Variants in THSD7A observed in about 807,000 individuals in gnomAD.
The protein encoded by THSD7A is thrombospondin type 1 domain containing 7A, also known as thrombospondin type-1 domain-containing protein 7A.
Under a neutral mutation model 231.3 loss-of-function variants are expected in THSD7A, and 96 were observed. The ratio of observed to expected loss-of-function variants is 0.41; its 90% CI spans 0.35 to 0.49. The LOEUF is 0.49. THSD7A is among the 20% of genes least tolerant of loss of function. The probability of loss-of-function intolerance (pLI) is 0.05; values close to 1 mark genes in which losing one functional copy is unlikely to be tolerated. For synonymous variants in THSD7A, 940 were observed against 743.3 expected (o/e 1.26, Z -4.30); for missense variants, 2,290 against 2,070.2 (o/e 1.11, Z -2.06).
At position 11,500,082 on chromosome 7, in the gene THSD7A, C is replaced by T. The variant is rs546069120; in HGVS notation, c.1823-18100G>A. Reference sequence around the variant, plus strand: ...AGGCAGCTAAAGAGTAAGAGAAGGTCACCTACAAAGGAATCTCAGTCAGGC... The same window carrying T: ...AGGCAGCTAAAGAGTAAGAGAAGGTTACCTACAAAGGAATCTCAGTCAGGC... On this transcript the variant is annotated intron_variant, in intron 6 of 27. Transcript: ENST00000423059. 3.9e-5 allele frequency among the ~76,000 whole-genome samples: 6 copies of T among 152,150 alleles called. No individual in the cohort carries two copies. The South Asian group carries it at 1.2e-3, about 32-fold the overall frequency.
chr7:11,825,974 T>C (rs1335222059), intron 1 of THSD7A, among the ~76,000 whole-genome samples: 2 of 152,236 alleles, frequency 1.3e-5, no homozygotes, highest in Non-Finnish European at 2.9e-5. Context: ...CTCTCCTTTG[T>C]TACTTAAAGA....
intron 6 of THSD7A, among the ~76,000 whole-genome samples, chr7:11,512,081 T>C (rs1159932540): frequency 2.0e-5 from 3 of 152,100 alleles, no homozygotes; most frequent in African/African-American, 4.8e-5. Flanking sequence ...CTTGAACAAA[T>C]TTAGAAGAAA....
intron 1 of THSD7A, among the ~76,000 whole-genome samples, chr7:11,676,069 G>A (rs1045251034): frequency 2.0e-5 from 3 of 152,192 alleles, no homozygotes; most frequent in East Asian, 1.9e-4. Context: ...AAAAGAAGGA[G>A]CAAGCAGCAA....
At chr7:11,684,901 G>C (rs955615262) in intron 1 of THSD7A, among the ~76,000 whole-genome samples, 1 of 151,798 alleles carries the variant, frequency 6.6e-6, no homozygotes, top group Non-Finnish European at 1.5e-5. Flanking sequence ...CCATAAAAAA[G>C]CCAAAACAAC....
intron 1 of THSD7A, among the ~76,000 whole-genome samples, chr7:11,728,639 T>A (rs113403505): frequency 6.6e-6 from 1 of 151,924 alleles, no homozygotes; most frequent in Non-Finnish European, 1.5e-5. Flanking sequence ...TGAATTATGA[T>A]TTGCATCAAC....
intron 1 of THSD7A, among the ~76,000 whole-genome samples, chr7:11,765,454 C>T (rs1311624399): frequency 6.6e-6 from 1 of 152,148 alleles, no homozygotes; most frequent in African/African-American, 2.4e-5. Context: ...TGAAGAATAA[C>T]AAATTGTACA....
At chr7:11,627,934 T>A (rs1328081367) in intron 2 of THSD7A, among the ~76,000 whole-genome samples, 5 of 152,150 alleles carry the variant, frequency 3.3e-5, no homozygotes, top group African/African-American at 1.2e-4. Context: ...GTATATAAAA[T>A]AAGCTAAAAT....
intron 1 of THSD7A, among the ~76,000 whole-genome samples, chr7:11,675,902 G>A (rs115187180): frequency 0.017 from 2,513 of 152,286 alleles, 74 homozygotes; most frequent in African/African-American, 0.058. Context: ...CCAGCACAGC[G>A]CTGGAGCTCT....
intron 8 of THSD7A, among the ~76,000 whole-genome samples, chr7:11,471,686 T>C (rs1267408676): frequency 6.6e-6 from 1 of 152,076 alleles, no homozygotes; most frequent in African/African-American, 2.4e-5. Flanking sequence ...TCTATGACTA[T>C]TCAAAGTCAC....
intron 2 of THSD7A, among the ~76,000 whole-genome samples, chr7:11,601,133 A>T (rs1376934544): frequency 6.6e-6 from 1 of 152,106 alleles, no homozygotes; most frequent in Non-Finnish European, 1.5e-5. Context: ...AACTCTACAT[A>T]TTTCACTTCC....
intron 23 of THSD7A, among the ~76,000 whole-genome samples, chr7:11,398,847 C>T (rs759618956): frequency 3.3e-5 from 5 of 152,118 alleles, no homozygotes; most frequent in South Asian, 4.1e-4. Context: ...TGAGTCAATG[C>T]CATTAGACGG....
chr7:11,447,330 C>T lies in THSD7A; in HGVS notation c.2700G>A (p.Gln900=), dbSNP rs778666866. The T allele has an allele frequency of 6.2e-7, 1 of 1,612,640 alleles. No individual in the cohort carries two copies. Among genetic ancestry groups the T allele is most frequent in the African/African-American group, 1.3e-5 (1 of 74,850 alleles). Residue 900 remains glutamine, a synonymous_variant, in exon 12 of 28, where the codon CAG becomes CAA. Transcript: ENST00000423059. ...ATTGACAGTCATCCTGGCAGGGGAT[C>T]TGGCAGGCCTGGGTAAGGGCTGGCA... ...GPVPALTQAC[Q]IPCQDDCQLT... is the part of the protein sequence containing the mutation.
At chr7:11,492,496 A>T (rs1449419049) in intron 6 of THSD7A, among the ~76,000 whole-genome samples, 2 of 152,194 alleles carry the variant, frequency 1.3e-5, no homozygotes, top group East Asian at 3.9e-4. Flanking sequence ...GATGAGTAAG[A>T]CCAAATGACT....
At chr7:11,514,920 A>G (rs1179324314) in intron 6 of THSD7A, among the ~76,000 whole-genome samples, 1 of 152,160 alleles carries the variant, frequency 6.6e-6, no homozygotes, top group African/African-American at 2.4e-5. Context: ...CTTCAGTGAC[A>G]GTGCCTTCTG....
At chr7:11,638,394 T>A (rs1408045526) in intron 1 of THSD7A, among the ~76,000 whole-genome samples, 1 of 152,224 alleles carries the variant, frequency 6.6e-6, no homozygotes, top group African/African-American at 2.4e-5. Context: ...TAGTTTCTTC[T>A]GTACATAACA....
At chr7:11,655,155 G>C (rs1359044777) in intron 1 of THSD7A, among the ~76,000 whole-genome samples, 2 of 151,826 alleles carry the variant, frequency 1.3e-5, no homozygotes, top group African/African-American at 2.4e-5. Context: ...CTCACAGTGG[G>C]ATTGTATTTC....
At chr7:11,799,059 A>G (rs941488597) in intron 1 of THSD7A, among the ~76,000 whole-genome samples, 1 of 152,012 alleles carries the variant, frequency 6.6e-6, no homozygotes, top group African/African-American at 2.4e-5. Context: ...ATTAGCTGGG[A>G]CTACAGGCTC....
intron 4 of THSD7A, among the ~76,000 whole-genome samples, chr7:11,562,407 A>T (rs191967160): frequency 5.4e-4 from 82 of 152,328 alleles, no homozygotes; most frequent in African/African-American, 1.9e-3. Flanking sequence ...AGAAAAATGC[A>T]ATAAATTTAA....
chr7:11,773,788 T>A (rs1166060677), intron 1 of THSD7A, among the ~76,000 whole-genome samples: 1 of 152,108 alleles, frequency 6.6e-6, no homozygotes, highest in Admixed American at 6.6e-5. Context: ...AATTTCTACA[T>A]GGTAAACTCA....
Sources: allele counts gnomAD v4.1 joint callset (sites outside exome capture counted in the v4.1 genomes callset), GRCh38; gene constraint gnomAD v4.1.1; transcripts MANE v1.5; gene names NCBI Gene and HGNC (gene_info 2026-07-23, HGNC 2026-07-21).